ROBO1: variants seen among roughly 807,000 people sequenced by gnomAD.
The protein encoded by ROBO1 is roundabout guidance receptor 1, also known as roundabout homolog 1.
In ROBO1, 149 loss-of-function variants were observed where a neutral mutation model predicts 195.9. The observed-to-expected ratio is 0.76, with a 90% CI of 0.67 to 0.87. The LOEUF is 0.87. ROBO1 is among the 40% of genes least tolerant of loss of function. The probability of loss-of-function intolerance (pLI) is 0.00; values close to 1 mark genes in which losing one functional copy is unlikely to be tolerated. For missense variants in ROBO1, 1,933 were observed against 2,068.3 expected, an observed-to-expected ratio of 0.93 and a Z score of 1.27; for synonymous variants, 816 against 733.2, an observed-to-expected ratio of 1.11 and a Z score of -1.82.
intron 10 of ROBO1, among the ~76,000 whole-genome samples, chr3:78,671,387 A>T (rs1346569355): frequency 6.6e-6 from 1 of 152,088 alleles, no homozygotes; most frequent in Non-Finnish European, 1.5e-5. Context: ...AAAATTTTTA[A>T]AAGACACAAA....
At chr3:79,155,665 C>G (rs534204692) in intron 2 of ROBO1, among the ~76,000 whole-genome samples, 4 of 151,702 alleles carry the variant, frequency 2.6e-5, no homozygotes, top group Non-Finnish European at 4.4e-5. Flanking sequence ...CCTAACAGTA[C>G]CCTAAAAGGC....
At chr3:78,997,346 G>C (rs1256033026) in intron 3 of ROBO1, among the ~76,000 whole-genome samples, 1 of 152,108 alleles carries the variant, frequency 6.6e-6, no homozygotes, top group African/African-American at 2.4e-5. Flanking sequence ...GGTTCCATGA[G>C]AGACTAGGAA....
intron 4 of ROBO1, among the ~76,000 whole-genome samples, chr3:78,917,988 T>G (rs1365767145): frequency 6.6e-6 from 1 of 152,220 alleles, no homozygotes; most frequent in Non-Finnish European, 1.5e-5. Flanking sequence ...TTGTGATTGT[T>G]GTATTTCTTT....
intron 4 of ROBO1, 79 bp from the exon 5 acceptor site, chr3:78,746,979 TA>T (rs2082674579): frequency 1.1e-6 from 1 of 943,298 alleles, no homozygotes; most frequent in Admixed American, 3.9e-5. Context: ...AGGAGACATT[TA>T]TTATAATTAT....
chr3:78,793,948 A>G (rs554723921), intron 4 of ROBO1, among the ~76,000 whole-genome samples: 2 of 152,300 alleles, frequency 1.3e-5, no homozygotes, highest in South Asian at 4.1e-4. Context: ...TGACTGTAGA[A>G]TTGTTTTTAA....
chr3:78,908,699 A>G (rs1259358192), intron 4 of ROBO1, among the ~76,000 whole-genome samples: 1 of 151,912 alleles, frequency 6.6e-6, no homozygotes, highest in Non-Finnish European at 1.5e-5. Context: ...CAGCCATTAA[A>G]AAGTATAGTA....
intron 1 of ROBO1, among the ~76,000 whole-genome samples, chr3:79,711,936 G>T (rs1214677439): frequency 1.4e-5 from 2 of 142,440 alleles, no homozygotes; most frequent in Non-Finnish European, 3.1e-5. Context: ...GGTGGGTGGG[G>T]GAGCACTATG....
At chr3:79,671,074 G>T (rs927828342) in intron 1 of ROBO1, among the ~76,000 whole-genome samples, 5 of 151,714 alleles carry the variant, frequency 3.3e-5, no homozygotes, top group African/African-American at 1.2e-4. Context: ...AATGAAGCAG[G>T]TATATGGAAT....
intron 3 of ROBO1, among the ~76,000 whole-genome samples, chr3:79,066,506 T>G (rs763134846): frequency 6.6e-6 from 1 of 151,940 alleles, no homozygotes; most frequent in Non-Finnish European, 1.5e-5. Context: ...CACTTTGTAA[T>G]GAGAACACTG....
At chr3:78,747,979 T>C (rs2082697332) in intron 4 of ROBO1, among the ~76,000 whole-genome samples, 1 of 152,184 alleles carries the variant, frequency 6.6e-6, no homozygotes, top group Non-Finnish European at 1.5e-5. Flanking sequence ...TGAACATATA[T>C]ATACTTCAGT....
chr3:79,696,237 G>A (rs1445543546), intron 1 of ROBO1, among the ~76,000 whole-genome samples: 3 of 151,238 alleles, frequency 2.0e-5, no homozygotes, highest in African/African-American at 7.3e-5. Context: ...CCAAGTTCTT[G>A]CATATTTAAT....
At chr3:79,235,800 T>TTA (rs1323495652) in intron 2 of ROBO1, among the ~76,000 whole-genome samples, 2 of 152,084 alleles carry the variant, frequency 1.3e-5, no homozygotes, top group African/African-American at 4.8e-5. Flanking sequence ...CCATATTTAA[T>TTA]TATATATATT....
In ROBO1 at chr3:79,499,620, C is replaced by G. The variant is rs923666993; in HGVS notation, c.88+90204G>C. On this transcript the variant is annotated intron_variant, in intron 2 of 30. Transcript: ENST00000464233. ...AGATCATTAAACACAGAATAAGATT[C>G]GAAACTTCTTTTAAAATTAAAACAT... is the stretch of plus-strand genomic sequence containing the variant. Among the ~76,000 whole-genome samples, 5 of 151,968 alleles carry G rather than the reference C, an allele frequency of 3.3e-5. No homozygotes were observed. In the East Asian group the frequency reaches 7.7e-4, roughly 23 times the overall value.
intron 2 of ROBO1, among the ~76,000 whole-genome samples, chr3:79,319,653 G>C (rs947991022): frequency 6.6e-6 from 1 of 152,018 alleles, no homozygotes; most frequent in African/African-American, 2.4e-5. Flanking sequence ...CATGGAAGTG[G>C]TGTTTTTTCA....
chr3:79,565,794 T>C (rs1377860736), intron 2 of ROBO1, among the ~76,000 whole-genome samples: 1 of 152,100 alleles, frequency 6.6e-6, no homozygotes, highest in Non-Finnish European at 1.5e-5. Flanking sequence ...AGCTCTGCTC[T>C]GCCATGAAAA....
intron 9 of ROBO1, 45 bp downstream of exon 9, chr3:78,688,603 C>T: frequency 6.6e-7 from 1 of 1,511,664 alleles, no homozygotes; most frequent in East Asian, 2.4e-5. Context: ...ATCTTGGCAA[C>T]CATCTTTGCT....
chr3:79,566,633 C>A (rs527340301), intron 2 of ROBO1, among the ~76,000 whole-genome samples: 1 of 151,956 alleles, frequency 6.6e-6, no homozygotes, highest in Non-Finnish European at 1.5e-5. Context: ...ACTTTAAAGG[C>A]GTGACACAAA....
intron 4 of ROBO1, among the ~76,000 whole-genome samples, chr3:78,765,789 TC>T (rs1336045430): frequency 6.6e-6 from 1 of 152,188 alleles, no homozygotes; most frequent in Non-Finnish European, 1.5e-5. Context: ...GAATTCAGCA[TC>T]TGTGTGTACA....
chr3:79,315,826 G>C (rs2033705432), intron 2 of ROBO1, among the ~76,000 whole-genome samples: 2 of 152,160 alleles, frequency 1.3e-5, no homozygotes, highest in Admixed American at 1.3e-4. Flanking sequence ...ATTTCCAATT[G>C]TGAGTCTGGA....
Sources: allele counts gnomAD v4.1 joint callset (sites outside exome capture counted in the v4.1 genomes callset), GRCh38; gene constraint gnomAD v4.1.1; transcripts MANE v1.5; gene names NCBI Gene and HGNC (gene_info 2026-07-23, HGNC 2026-07-21).